ATP6V1C1: variants seen among roughly 807,000 people sequenced by gnomAD.
ATP6V1C1 encodes the protein V-type proton ATPase subunit C 1.
A neutral mutation model predicts 53.9 loss-of-function variants in ATP6V1C1; 45 were observed. The ratio of observed to expected loss-of-function variants is 0.83; its 90% CI spans 0.66 to 1.07. The LOEUF (loss-of-function observed/expected upper bound fraction) is 1.07, where lower values mean the gene tolerates loss of function less well. Among genes scored for constraint, ATP6V1C1 ranks in the 50% least tolerant of loss-of-function variants. The pLI, the probability that ATP6V1C1 is intolerant of heterozygous loss-of-function variation, is 0.00. For synonymous variants in ATP6V1C1, 153 were observed against 155.2 expected (o/e 0.99, Z 0.11); for missense variants, 315 against 440.3 (o/e 0.72, Z 2.55).
At chr8:103,057,483 A>C (rs1817308970) in intron 8 of ATP6V1C1, among the ~76,000 whole-genome samples, 1 of 152,234 alleles carries the variant, frequency 6.6e-6, no homozygotes, top group Non-Finnish European at 1.5e-5. Context: ...GGAAAGGTCA[A>C]AAGGAGTAGC....
At chr8:103,039,230 C>G (rs887681297) in intron 1 of ATP6V1C1, among the ~76,000 whole-genome samples, 1 of 151,980 alleles carries the variant, frequency 6.6e-6, no homozygotes, top group African/African-American at 2.4e-5. Flanking sequence ...AAAGCAGTAC[C>G]TTTTATATGG....
At chr8:103,041,397 A>C (rs1450043022) in intron 2 of ATP6V1C1, among the ~76,000 whole-genome samples, 2 of 152,224 alleles carry the variant, frequency 1.3e-5, no homozygotes, top group Non-Finnish European at 2.9e-5. Flanking sequence ...TAATCCGGTT[A>C]ATCTATGTAA....
chr8:103,034,711 G>A (rs1332277207), intron 1 of ATP6V1C1, among the ~76,000 whole-genome samples: 1 of 151,988 alleles, frequency 6.6e-6, no homozygotes, highest in Non-Finnish European at 1.5e-5. Flanking sequence ...TGGGATTACA[G>A]GCGCATGCCA....
chr8:103,034,735 A>T (rs934811909), intron 1 of ATP6V1C1, among the ~76,000 whole-genome samples: 4 of 151,516 alleles, frequency 2.6e-5, no homozygotes, highest in Non-Finnish European at 4.4e-5. Context: ...TGCCTGGCTA[A>T]TTTTTTTGTA....
chr8:103,049,340 A>G (rs1036149983), intron 4 of ATP6V1C1, among the ~76,000 whole-genome samples: 1 of 152,184 alleles, frequency 6.6e-6, no homozygotes, highest in African/African-American at 2.4e-5. Flanking sequence ...AGGTTTTTGT[A>G]TTTAATAGTA....
Position 103,066,367 on chromosome 8 carries a change from A to C in ATP6V1C1, c.973A>C (p.Lys325Gln). ...CCAAGCAATGCTACTTCAGCCCAAT[A>C]AGAAAACTTTGAAGAAACTGAGAGA... ...NFQAMLLQPN[K>Q]KTLKKLREVL... Residue 325 changes from lysine to glutamine, a missense_variant, in exon 12 of 13, where the codon AAG becomes CAG. Coordinates refer to ENST00000518738, the MANE Select transcript of ATP6V1C1 (RefSeq NM_001695.5). 1 of 1,613,604 alleles carries C rather than the reference A, an allele frequency of 6.2e-7. No homozygotes were observed. The highest frequency in any genetic ancestry group is 8.5e-7 in the Non-Finnish European group (1 of 1,179,908).
chr8:103,040,808 G>A lies in ATP6V1C1; in HGVS notation c.-29G>A. The A allele has an allele frequency of 1.9e-6, 3 of 1,594,416 alleles. No individual in the cohort carries two copies. Among genetic ancestry groups the A allele is most frequent in the Admixed American group, 3.6e-5 (2 of 55,506 alleles). Reference sequence around the variant, plus strand: ...TGTTTTACATTTCAGAATCTCTCTTGATTTTTGAGGAAATACCTAGTAACA... The same window carrying A: ...TGTTTTACATTTCAGAATCTCTCTTAATTTTTGAGGAAATACCTAGTAACA... On this transcript the variant is annotated 5_prime_UTR_variant, in exon 2 of 13. Transcript: ENST00000518738.
chr8:103,040,333 G>C (rs1313331052), intron 1 of ATP6V1C1, among the ~76,000 whole-genome samples: 1 of 151,562 alleles, frequency 6.6e-6, no homozygotes, highest in Non-Finnish European at 1.5e-5. Context: ...AAAATCGCTT[G>C]AACCTGGGAG....
intron 7 of ATP6V1C1, among the ~76,000 whole-genome samples, chr8:103,054,453 C>G (rs1817253366): frequency 6.6e-6 from 1 of 152,018 alleles, no homozygotes; most frequent in Non-Finnish European, 1.5e-5. Flanking sequence ...ACAATGTGAT[C>G]TTTGTCACAA....
intron 1 of ATP6V1C1, among the ~76,000 whole-genome samples, chr8:103,038,903 T>G (rs1424268714): frequency 1.3e-5 from 2 of 152,196 alleles, no homozygotes; most frequent in Non-Finnish European, 2.9e-5. Context: ...AGCTGTGCTG[T>G]TCTCTGACCA....
chr8:103,070,326 A>G lies in ATP6V1C1; in HGVS notation c.*1579A>G, dbSNP rs1286440736. 6.6e-6 allele frequency: 1 copy of G among 152,200 alleles called. No individual in the cohort carries two copies. Among genetic ancestry groups the G allele is most frequent in the African/African-American group, 2.4e-5 (1 of 41,442 alleles). 9.4% of individuals were successfully genotyped at this position (152,200 alleles called of 1,614,324 possible). ...ATACTTGTATTAGTATTTCTGTAAGATCTGAGAAGTGGAATTTGTAGGGTC... is the reference window on the plus strand; with the variant it reads ...ATACTTGTATTAGTATTTCTGTAAGGTCTGAGAAGTGGAATTTGTAGGGTC... On this transcript the variant is annotated 3_prime_UTR_variant, in exon 13 of 13. Coordinates refer to ENST00000518738, the MANE Select transcript of ATP6V1C1 (RefSeq NM_001695.5).
intron 1 of ATP6V1C1, among the ~76,000 whole-genome samples, chr8:103,021,856 A>T (rs1353417103): frequency 3.3e-5 from 5 of 152,222 alleles, no homozygotes; most frequent in African/African-American, 4.8e-5. Context: ...GGTGAGAGTC[A>T]CATAAGGCAT....
At chr8:103,066,936 C>T (rs1386158166) in intron 12 of ATP6V1C1, among the ~76,000 whole-genome samples, 2 of 146,874 alleles carry the variant, frequency 1.4e-5, no homozygotes, top group East Asian at 4.0e-4. Context: ...CCCAGGCCTT[C>T]GAGACCAACC....
Position 103,072,537 on chromosome 8 carries a change from C to G in ATP6V1C1, c.*3790C>G, listed in dbSNP as rs1296232390. On this transcript the variant is annotated 3_prime_UTR_variant, in exon 13 of 13. Coordinates refer to ENST00000518738, the MANE Select transcript of ATP6V1C1 (RefSeq NM_001695.5). ...TGTTCTGGAGGAAACCTAGCAAAAA[C>G]TTTGCTAGTTTAGTACTTGTCTCTA... is the stretch of plus-strand genomic sequence containing the variant. The G allele has an allele frequency of 6.6e-6, 1 of 152,210 alleles. No homozygotes were observed. The highest frequency in any genetic ancestry group is 1.5e-5 in the Non-Finnish European group (1 of 68,026). 9.4% of individuals were successfully genotyped at this position (152,210 alleles called of 1,614,324 possible).
chr8:103,025,371 C>G (rs559629824), intron 1 of ATP6V1C1, among the ~76,000 whole-genome samples: 1 of 152,254 alleles, frequency 6.6e-6, no homozygotes, highest in African/African-American at 2.4e-5. Context: ...CCAGACTCCT[C>G]CTGGAGGAGA....
intron 4 of ATP6V1C1, among the ~76,000 whole-genome samples, chr8:103,050,523 A>G (rs1379338275): frequency 6.6e-6 from 1 of 152,218 alleles, no homozygotes; most frequent in African/African-American, 2.4e-5. Context: ...CTTCCAAGGA[A>G]TAAGTTGTTG....
intron 8 of ATP6V1C1, among the ~76,000 whole-genome samples, chr8:103,060,187 C>T (rs566201419): frequency 1.3e-5 from 2 of 152,046 alleles, no homozygotes; most frequent in Admixed American, 6.5e-5. Context: ...AGACTGGTCT[C>T]GAGCTCCTGA....
At chr8:103,060,155 G>A (rs1817372171) in intron 8 of ATP6V1C1, among the ~76,000 whole-genome samples, 1 of 151,566 alleles carries the variant, frequency 6.6e-6, no homozygotes, top group Admixed American at 6.6e-5. Flanking sequence ...TTTAGTAGAG[G>A]TGAGGTTTCA....
chr8:103,057,643 G>A (rs1421480236), intron 8 of ATP6V1C1, among the ~76,000 whole-genome samples: 1 of 152,150 alleles, frequency 6.6e-6, no homozygotes, highest in African/African-American at 2.4e-5. Context: ...GTGACCTGGG[G>A]TAAGTCTTTT....
Sources: gnomAD v4.1 joint callset for allele counts (sites outside exome capture counted in the v4.1 genomes callset) on GRCh38, gnomAD v4.1.1 for gene constraint, MANE v1.5 for transcripts, NCBI Gene and HGNC (gene_info 2026-07-23, HGNC 2026-07-21) for gene names.